Variants in BAZ1A observed in about 807,000 individuals in gnomAD.
BAZ1A encodes bromodomain adjacent to zinc finger domain protein 1A.
In BAZ1A, 50 loss-of-function variants were observed where a neutral mutation model predicts 185.2. That is an observed-to-expected ratio of 0.27 (90% confidence interval 0.22 to 0.34). The LOEUF is 0.34. Among genes scored for constraint, BAZ1A ranks in the 10% least tolerant of loss-of-function variants. The pLI, the probability that BAZ1A is intolerant of heterozygous loss-of-function variation, is 1.00. For missense variants in BAZ1A, 1,356 were observed against 1,839.9 expected, an observed-to-expected ratio of 0.74 and a Z score of 4.81; for synonymous variants, 571 against 615.6, an observed-to-expected ratio of 0.93 and a Z score of 1.07.
intron 3 of BAZ1A, among the ~76,000 whole-genome samples, chr14:34,831,036 T>C (rs888309783): frequency 1.3e-5 from 2 of 152,172 alleles, no homozygotes; most frequent in African/African-American, 2.4e-5. Context: ...TCTAAGCACA[T>C]AAATACCTAC....
intron 12 of BAZ1A, among the ~76,000 whole-genome samples, chr14:34,788,259 C>T (rs1404646180): frequency 6.6e-6 from 1 of 152,110 alleles, no homozygotes; most frequent in Non-Finnish European, 1.5e-5. Context: ...ACCTCGGCCT[C>T]CCATATTGCT....
chr14:34,806,904 C>A (rs937342046), intron 6 of BAZ1A, among the ~76,000 whole-genome samples: 2 of 151,528 alleles, frequency 1.3e-5, no homozygotes, highest in Non-Finnish European at 2.9e-5. Context: ...TACCCACCAC[C>A]ACACCCAGCT....
At chr14:34,820,377 CCCCCTTGGCCTCCCGAA>C (rs1331690761) in intron 4 of BAZ1A, among the ~76,000 whole-genome samples, 1 of 152,088 alleles carries the variant, frequency 6.6e-6, no homozygotes, top group Non-Finnish European at 1.5e-5. Flanking sequence ...AGCAATCCAC[CCCCCTTGGCCTCCCGAA>C]GTGTTGGGAT....
chr14:34,843,604 T>C (rs2042452210), intron 3 of BAZ1A, among the ~76,000 whole-genome samples: 1 of 152,220 alleles, frequency 6.6e-6, no homozygotes, highest in Admixed American at 6.5e-5. Flanking sequence ...TAATGTTTAC[T>C]GATTTAGGCC....
chr14:34,811,047 G>T lies in BAZ1A; in HGVS notation c.537-11C>A. On this transcript the variant is annotated splice_polypyrimidine_tract_variant and intron_variant, in intron 4 of 26. Coordinates refer to ENST00000360310, the MANE Select transcript of BAZ1A (RefSeq NM_013448.3). ...GCATCTTTTTTCTTCCTAAAAAGAA[G>T]AGGGAAAAGACACAAATCAGTTAAT... 6.6e-7 allele frequency: 1 copy of T among 1,512,882 alleles called. No individual in the cohort carries two copies. Among genetic ancestry groups the T allele is most frequent in the South Asian group, 1.2e-5 (1 of 84,980 alleles). 93.7% of individuals were successfully genotyped at this position (1,512,882 alleles called of 1,614,324 possible). A position where few individuals can be genotyped will look rare whatever the true frequency, so the allele number is the denominator to read the frequency against.
At chr14:34,840,762 C>T (rs535824735) in intron 3 of BAZ1A, among the ~76,000 whole-genome samples, 6 of 109,968 alleles carry the variant, frequency 5.5e-5, no homozygotes, top group Non-Finnish European at 1.0e-4. Context: ...GTCTCCCCCC[C>T]AAAAACAAAC....
intron 3 of BAZ1A, among the ~76,000 whole-genome samples, chr14:34,830,679 TA>T (rs1019528299): frequency 4.8e-4 from 72 of 151,508 alleles, no homozygotes; most frequent in Admixed American, 1.3e-3. Context: ...ATAAAGTCAT[TA>T]AAAAAAGAGT....
chr14:34,763,149 C>T (rs1224327316), intron 23 of BAZ1A, among the ~76,000 whole-genome samples: 1 of 152,156 alleles, frequency 6.6e-6, no homozygotes, highest in African/African-American at 2.4e-5. Context: ...ACTCATTATT[C>T]CTCTCCCCAT....
intron 4 of BAZ1A, among the ~76,000 whole-genome samples, 179 bp from the exon 5 acceptor site, chr14:34,811,215 G>A (rs555412978): frequency 5.9e-5 from 9 of 152,222 alleles, no homozygotes; most frequent in East Asian, 5.8e-4. Flanking sequence ...TGCAGTCTCA[G>A]CTCACTGCAA....
At position 34,773,651 on chromosome 14, in the gene BAZ1A, T is replaced by C. The variant is rs1285997820; in HGVS notation, c.3073A>G (p.Asn1025Asp). The C allele has an allele frequency of 1.2e-6, 2 of 1,613,512 alleles. No homozygotes were observed. Among genetic ancestry groups the C allele is most frequent in the Non-Finnish European group, 1.7e-6 (2 of 1,179,744 alleles). ...TCATTCACAGTTTTAATTATCCCAT[T>C]TTCCTTGTTTTCCTCACTTAACAGC... Reference protein sequence around the residue: ...YELLSEENKENGIIKTVNEDV... With the variant: ...YELLSEENKEDGIIKTVNEDV... Residue 1025 changes from asparagine to aspartate, a missense_variant, in exon 20 of 27, where the codon AAT becomes GAT. Physicochemically the swap from Asn to Asp is conservative, Grantham distance 23. This residue lies in a region of BAZ1A where 434 missense variants were observed against 561.7 expected (regional missense o/e 0.77). Coordinates refer to ENST00000360310, the MANE Select transcript of BAZ1A (RefSeq NM_013448.3).
chr14:34,839,839 C>CA (rs60954768), intron 3 of BAZ1A, among the ~76,000 whole-genome samples: 1,270 of 106,576 alleles, frequency 0.012, 32 homozygotes, highest in East Asian at 0.045. Flanking sequence ...GCCTCTGTTT[C>CA]AAAAAAAAAA....
chr14:34,777,496 T>G (rs1879714525), intron 17 of BAZ1A, among the ~76,000 whole-genome samples: 1 of 149,332 alleles, frequency 6.7e-6, no homozygotes, highest in African/African-American at 2.5e-5. Flanking sequence ...ATACAAAAAT[T>G]AGCTGGGCAT....
In BAZ1A at chr14:34,773,619, T is replaced by C; in HGVS notation, c.3105A>G (p.Val1035=). 6.2e-7 allele frequency: 1 copy of C among 1,613,226 alleles called. No homozygotes were observed. The highest frequency in any genetic ancestry group is 8.5e-7 in the Non-Finnish European group (1 of 1,179,524). The change falls in exon 20 of 27, where the codon GTA becomes GTG. Residue 1035 remains valine (V), a synonymous_variant. Transcript: ENST00000360310. The part of the protein sequence containing the change: ...NGIIKTVNED[V]EEMEIDEQTK... Reference sequence around the variant, plus strand: ...TTTGTTCATCAATTTCCATCTCTTCTACGTCTTCATTCACAGTTTTAATTA... The same window carrying C: ...TTTGTTCATCAATTTCCATCTCTTCCACGTCTTCATTCACAGTTTTAATTA...
intron 3 of BAZ1A, among the ~76,000 whole-genome samples, chr14:34,839,539 CA>C (rs35964410): frequency 3.1e-3 from 249 of 80,964 alleles, no homozygotes; most frequent in Middle Eastern, 8.3e-3. Context: ...AACTATCTTT[CA>C]AAAAAAAAAA....
At chr14:34,825,608 T>C (rs1403926110) in intron 4 of BAZ1A, among the ~76,000 whole-genome samples, 2 of 151,922 alleles carry the variant, frequency 1.3e-5, no homozygotes, top group Non-Finnish European at 2.9e-5. Flanking sequence ...TACTATACCA[T>C]AGTATGACTA....
rs144645467 is a variant in BAZ1A at position 34,778,495 on chromosome 14, A to C, written c.2236+1691T>G. On this transcript the variant is annotated intron_variant, in intron 17 of 26. Transcript: ENST00000360310. ...ATTGGAATTATCTGCTTTTTAAAAA[A>C]TTTGGCAGAATTCACCTATAAAGTT... 6.2e-3 allele frequency among the ~76,000 whole-genome samples: 938 copies of C among 152,342 alleles called. 16 individuals carry two copies. Among genetic ancestry groups the C allele is most frequent in the African/African-American group, 0.022 (906 of 41,576 alleles).
chr14:34,786,250 T>C, intron 12 of BAZ1A, 29 bp from the exon 13 acceptor site: 11 of 1,568,704 alleles, frequency 7.0e-6, no homozygotes, highest in Non-Finnish European at 9.5e-6. Context: ...TTTATTCTAG[T>C]GCAAATCAAA....
intron 3 of BAZ1A, among the ~76,000 whole-genome samples, chr14:34,838,506 C>A (rs1453420580): frequency 1.3e-5 from 2 of 150,368 alleles, no homozygotes. Context: ...AAGATAATAT[C>A]ATGAGGGAAA....
chr14:34,768,752 C>G, intron 21 of BAZ1A: 1 of 427,170 alleles, frequency 2.3e-6, no homozygotes, highest in South Asian at 1.7e-5. Flanking sequence ...TTCTATCTCC[C>G]TTTTGATCCT....
Sources: gnomAD v4.1 joint callset for allele counts (sites outside exome capture counted in the v4.1 genomes callset) on GRCh38, gnomAD v4.1.1 for gene constraint, gnomAD v4.1.1 regional missense constraint, MANE v1.5 for transcripts, NCBI Gene and HGNC (gene_info 2026-07-23, HGNC 2026-07-21) for gene names.